Variants in CPXM2 observed in about 807,000 individuals in gnomAD.
The protein encoded by CPXM2 is inactive carboxypeptidase-like protein X2.
A neutral mutation model predicts 86.1 loss-of-function variants in CPXM2; 66 were observed. The ratio of observed to expected loss-of-function variants is 0.77; its 90% CI spans 0.63 to 0.94. The LOEUF (loss-of-function observed/expected upper bound fraction) is 0.94, where lower values mean the gene tolerates loss of function less well. CPXM2 is among the 40% of genes least tolerant of loss of function. The pLI, the probability that CPXM2 is intolerant of heterozygous loss-of-function variation, is 0.00. For synonymous variants in CPXM2, 388 were observed against 400.2 expected (o/e 0.97, Z 0.36); for missense variants, 948 against 1,026.3 (o/e 0.92, Z 1.04).
chr10:123,881,945 G>T (rs1554888976), intron 1 of CPXM2, among the ~76,000 whole-genome samples: 2 of 152,234 alleles, frequency 1.3e-5, no homozygotes, highest in Non-Finnish European at 2.9e-5. Context: ...GAACCAGTCG[G>T]TGAGTGACAA....
chr10:123,783,823 T>C (rs1164664668), intron 6 of CPXM2, among the ~76,000 whole-genome samples: 2 of 152,218 alleles, frequency 1.3e-5, no homozygotes, highest in African/African-American at 4.8e-5. Flanking sequence ...GAGGGAGCTT[T>C]GATCCCTTCC....
intron 2 of CPXM2, among the ~76,000 whole-genome samples, chr10:123,871,838 G>A (rs754905378): frequency 2.0e-5 from 3 of 152,182 alleles, no homozygotes; most frequent in South Asian, 2.1e-4. Flanking sequence ...CATATTCATC[G>A]TATTTTCAAG....
At chr10:123,774,554 G>A (rs1846735912) in intron 7 of CPXM2, among the ~76,000 whole-genome samples, 1 of 152,146 alleles carries the variant, frequency 6.6e-6, no homozygotes, top group Admixed American at 6.5e-5. Flanking sequence ...GAGCATCAAG[G>A]AGCGTTTCTA....
intron 10 of CPXM2, among the ~76,000 whole-genome samples, chr10:123,763,797 T>C (rs1846403215): frequency 6.6e-6 from 1 of 152,194 alleles, no homozygotes. Flanking sequence ...TTTCTTTTAC[T>C]GTCTTCTGGT....
intron 2 of CPXM2, among the ~76,000 whole-genome samples, chr10:123,935,327 C>T (rs1217815351): frequency 6.6e-6 from 1 of 152,064 alleles, no homozygotes; most frequent in Non-Finnish European, 1.5e-5. Flanking sequence ...TCAATTGCGG[C>T]GGGGGTCAAG....
At chr10:123,866,361 C>T (rs1384209041) in intron 2 of CPXM2, among the ~76,000 whole-genome samples, 4 of 151,674 alleles carry the variant, frequency 2.6e-5, no homozygotes, top group Admixed American at 6.6e-5. Flanking sequence ...GTCAGGATTT[C>T]GAGACCAGCC....
At chr10:123,812,577 C>A (rs1455651168) in intron 4 of CPXM2, among the ~76,000 whole-genome samples, 2 of 152,200 alleles carry the variant, frequency 1.3e-5, no homozygotes, top group Non-Finnish European at 2.9e-5. Context: ...TCCCCAACCC[C>A]TGGACCATGA....
At chr10:123,863,227 T>C (rs1318525696) in intron 2 of CPXM2, among the ~76,000 whole-genome samples, 1 of 152,236 alleles carries the variant, frequency 6.6e-6, no homozygotes, top group Non-Finnish European at 1.5e-5. Flanking sequence ...CGTCCCAGCC[T>C]AGCCCATTGT....
chr10:123,780,106 C>T (rs936104134), intron 7 of CPXM2, 61 bp downstream of exon 7: 7 of 1,048,972 alleles, frequency 6.7e-6, no homozygotes, highest in Non-Finnish European at 1.1e-5. Flanking sequence ...TGCTTATGGA[C>T]ACATAATATG....
At position 123,766,865 on chromosome 10, in the gene CPXM2, G is replaced by GA. The variant is rs1846488146; in HGVS notation, c.1479+107dup. 33 of 901,776 alleles carry GA rather than the reference G, an allele frequency of 3.7e-5. No homozygotes were observed. The South Asian group carries it at 4.9e-4, about 13-fold the overall frequency. 55.9% of individuals were successfully genotyped at this position (901,776 alleles called of 1,614,324 possible). On this transcript the variant is annotated intron_variant, in intron 10 of 13. Transcript: ENST00000241305. The stretch of plus-strand genomic sequence containing the variant: ...CTCTGCTTTTGGAGAAAACATGAAA[G>GA]AAAAAAACAGTTTTGTCTCTTTCTT...
intron 6 of CPXM2, among the ~76,000 whole-genome samples, chr10:123,788,695 CT>C (rs1320694333): frequency 6.6e-6 from 1 of 152,194 alleles, no homozygotes; most frequent in East Asian, 1.9e-4. Context: ...TAATTGGACT[CT>C]GCATGCGGTG....
At chr10:123,752,083 A>T (rs748236779) in intron 13 of CPXM2, 1 of 985,138 alleles carries the variant, frequency 1.0e-6, no homozygotes, top group Admixed American at 6.1e-5. Context: ...GCTCTTTTAG[A>T]ATTGTCATTT....
chr10:123,855,413 C>CTTAG (rs1394103100), intron 3 of CPXM2, among the ~76,000 whole-genome samples: 2 of 152,174 alleles, frequency 1.3e-5, no homozygotes, highest in African/African-American at 4.8e-5. Flanking sequence ...AAGAGATAGG[C>CTTAG]TTAGGGTCAA....
At chr10:123,768,013 G>T in intron 9 of CPXM2, among the ~76,000 whole-genome samples, 1 of 152,158 alleles carries the variant, frequency 6.6e-6, no homozygotes, top group South Asian at 2.1e-4. Flanking sequence ...CACCTCTCAA[G>T]GCCACCATCA....
chr10:123,884,961 C>A (rs1945158175), intron 1 of CPXM2, among the ~76,000 whole-genome samples: 1 of 152,248 alleles, frequency 6.6e-6, no homozygotes, highest in African/African-American at 2.4e-5. Context: ...AGTCCTTTGC[C>A]TTTAAAGAGA....
At position 123,754,710 on chromosome 10, in the gene CPXM2, G is replaced by A. The variant is rs1846162857; in HGVS notation, c.1970C>T (p.Pro657Leu). 2.5e-6 allele frequency: 4 copies of A among 1,611,256 alleles called. No homozygotes were observed. Among genetic ancestry groups the A allele is most frequent in the South Asian group, 1.1e-5 (1 of 91,040 alleles). ...GCCTTCTACGGAGATAATGGCGTTT[G>A]GGATTCCTTTTCCATGTGAATCTCT... ...LVRDSHGKGIPNAIISVEGIN... is the reference protein window; with the variant it reads ...LVRDSHGKGILNAIISVEGIN... Residue 657 changes from proline to leucine, a missense_variant, in exon 13 of 14, where the codon CCA (proline) becomes CTA (leucine). Physicochemically the swap from Pro to Leu is moderately conservative, Grantham distance 98. Transcript: ENST00000241305. This position sits in a 1 kb window ranked among gnomAD's most constrained non-coding sequence, Gnocchi z 4.0.
intron 13 of CPXM2, among the ~76,000 whole-genome samples, chr10:123,748,665 C>CT (rs891954734): frequency 2.0e-5 from 3 of 152,090 alleles, no homozygotes; most frequent in East Asian, 1.9e-4. Context: ...TGTGCTGGGT[C>CT]TTTTTTTAAT....
chr10:123,775,427 C>T (rs1413068894), intron 7 of CPXM2, among the ~76,000 whole-genome samples: 2 of 152,228 alleles, frequency 1.3e-5, no homozygotes, highest in East Asian at 1.9e-4. Flanking sequence ...GCATTCAGCC[C>T]AGGCTGGCTT....
At chr10:123,811,148 TTC>T (rs1847684351) in intron 4 of CPXM2, among the ~76,000 whole-genome samples, 1 of 123,124 alleles carries the variant, frequency 8.1e-6, no homozygotes, top group Non-Finnish European at 1.7e-5. Flanking sequence ...TTTTTCTTTT[TTC>T]TTTTTTTTTT....
Sources: allele counts gnomAD v4.1 joint callset (sites outside exome capture counted in the v4.1 genomes callset), GRCh38; gene constraint gnomAD v4.1.1; non-coding constraint Gnocchi (gnomAD v3.1); transcripts MANE v1.5; gene names NCBI Gene and HGNC (gene_info 2026-07-23, HGNC 2026-07-21).